CPA6: variants seen among roughly 807,000 people sequenced by gnomAD.
CPA6 encodes carboxypeptidase B.
A neutral mutation model predicts 63.3 loss-of-function variants in CPA6; 58 were observed. The ratio of observed to expected loss-of-function variants is 0.92; its 90% CI spans 0.74 to 1.14. The LOEUF (loss-of-function observed/expected upper bound fraction) is 1.14. Ranked by LOEUF, CPA6 falls within the 50% of genes most tolerant of loss-of-function variation. The pLI, the probability that CPA6 is intolerant of heterozygous loss-of-function variation, is 0.00. For synonymous variants in CPA6, 185 were observed against 179.0 expected (o/e 1.03, Z -0.27); for missense variants, 565 against 526.6 (o/e 1.07, Z -0.71).
At chr8:67,573,641 C>G (rs1396983764) in intron 2 of CPA6, among the ~76,000 whole-genome samples, 2 of 151,572 alleles carry the variant, frequency 1.3e-5, no homozygotes, top group Non-Finnish European at 2.9e-5. Flanking sequence ...ACCTGTAATC[C>G]CAGCACTTTG....
chr8:67,582,696 A>C (rs1813807838), intron 2 of CPA6, among the ~76,000 whole-genome samples: 1 of 151,848 alleles, frequency 6.6e-6, no homozygotes, highest in South Asian at 2.1e-4. Context: ...TTTTGCAGGG[A>C]TTGGTCATTA....
intron 8 of CPA6, among the ~76,000 whole-genome samples, chr8:67,440,442 A>T (rs1355660736): frequency 6.6e-6 from 1 of 152,072 alleles, no homozygotes; most frequent in Non-Finnish European, 1.5e-5. Flanking sequence ...GTGGTGACAC[A>T]CACCTGTAAT....
At chr8:67,624,077 T>C (rs1815143114) in intron 2 of CPA6, 99 bp downstream of exon 2, 1 of 706,574 alleles carries the variant, frequency 1.4e-6, no homozygotes, top group Non-Finnish European at 2.5e-6. Flanking sequence ...GCCTTTACTT[T>C]CTTGGCTAAT....
intron 2 of CPA6, among the ~76,000 whole-genome samples, chr8:67,599,051 A>G (rs1367260917): frequency 6.6e-6 from 1 of 152,164 alleles, no homozygotes; most frequent in Non-Finnish European, 1.5e-5. Context: ...TTTTAACATC[A>G]TTGTACTTTA....
chr8:67,567,596 G>C (rs1813371149), intron 2 of CPA6, among the ~76,000 whole-genome samples: 1 of 152,144 alleles, frequency 6.6e-6, no homozygotes, highest in Admixed American at 6.5e-5. Context: ...ACTATTCATA[G>C]ACAAAAACAA....
chr8:67,653,179 C>T (rs915295945), intron 1 of CPA6, among the ~76,000 whole-genome samples: 2 of 150,792 alleles, frequency 1.3e-5, no homozygotes, highest in Non-Finnish European at 3.0e-5. Context: ...TAGTGTGATG[C>T]CTCCAGCTTT....
At chr8:67,721,536 GTA>G (rs1214449468) in intron 1 of CPA6, among the ~76,000 whole-genome samples, 1 of 152,178 alleles carries the variant, frequency 6.6e-6, no homozygotes, top group Non-Finnish European at 1.5e-5. Flanking sequence ...TTGAAACAAA[GTA>G]TATGCATTGT....
chr8:67,706,981 C>T (rs1817150023), intron 1 of CPA6, among the ~76,000 whole-genome samples: 1 of 152,060 alleles, frequency 6.6e-6, no homozygotes, highest in Non-Finnish European at 1.5e-5. Context: ...TATATGTTAT[C>T]AGTAATAATT....
At chr8:67,606,182 T>C (rs1443128597) in intron 2 of CPA6, among the ~76,000 whole-genome samples, 2 of 35,174 alleles carry the variant, frequency 5.7e-5, no homozygotes, top group South Asian at 2.1e-3. Context: ...GGGACTGTTT[T>C]GGGGTGGGGG....
chr8:67,631,564 A>G (rs1243233592), intron 1 of CPA6, among the ~76,000 whole-genome samples: 2 of 152,220 alleles, frequency 1.3e-5, no homozygotes, highest in Admixed American at 6.5e-5. Flanking sequence ...AAATGGACCA[A>G]TCAGCTCTCT....
At chr8:67,738,121 T>C (rs1326541423) in intron 1 of CPA6, among the ~76,000 whole-genome samples, 1 of 152,060 alleles carries the variant, frequency 6.6e-6, no homozygotes, top group Non-Finnish European at 1.5e-5. Context: ...AAAGGGAGAA[T>C]GGGCTGGTAG....
rs1011383940 is a variant in CPA6 at position 67,424,942 on chromosome 8, T to C, written c.1127-2251A>G. On this transcript the variant is annotated intron_variant, in intron 10 of 10. Transcript: ENST00000297770. ...TTCAGCAGAGTTGAAAGCTGGGAAC[T>C]AGAGGTAGCCTGCAGCCTGGGCTGT... Among the ~76,000 whole-genome samples the C allele has an allele frequency of 3.3e-5, 5 of 152,228 alleles. No individual in the cohort carries two copies. In the East Asian group the frequency reaches 9.6e-4, roughly 29 times the overall value.
At chr8:67,657,419 T>G (rs1178982313) in intron 1 of CPA6, among the ~76,000 whole-genome samples, 10 of 152,176 alleles carry the variant, frequency 6.6e-5, no homozygotes, top group African/African-American at 2.4e-4. Context: ...CAAATATCTG[T>G]GTTATAAACC....
chr8:67,653,263 T>A, intron 1 of CPA6, among the ~76,000 whole-genome samples: 1 of 152,200 alleles, frequency 6.6e-6, no homozygotes, highest in Non-Finnish European at 1.5e-5. Flanking sequence ...AGTAGTTTTT[T>A]TCCAATTCTG....
intron 2 of CPA6, among the ~76,000 whole-genome samples, chr8:67,544,615 T>C (rs924724282): frequency 2.6e-5 from 4 of 152,228 alleles, no homozygotes; most frequent in Non-Finnish European, 1.5e-5. Context: ...GACATTTAGA[T>C]GACCTTTTTC....
intron 1 of CPA6, among the ~76,000 whole-genome samples, chr8:67,705,545 C>A (rs1026513084): frequency 2.6e-5 from 4 of 152,144 alleles, no homozygotes; most frequent in African/African-American, 9.7e-5. Flanking sequence ...TCCCATCAGT[C>A]CCTGGGTAAT....
At chr8:67,503,361 A>G (rs1264755993) in intron 6 of CPA6, among the ~76,000 whole-genome samples, 1 of 152,022 alleles carries the variant, frequency 6.6e-6, no homozygotes, top group Non-Finnish European at 1.5e-5. Flanking sequence ...CAGTAGCATC[A>G]TCACAGCTCA....
intron 6 of CPA6, among the ~76,000 whole-genome samples, chr8:67,495,088 A>G (rs142806174): frequency 6.6e-6 from 1 of 152,270 alleles, no homozygotes; most frequent in East Asian, 1.9e-4. Context: ...AGTAGTAAAC[A>G]CTTGATAATT....
At chr8:67,673,377 ATTAT>A (rs1190188957) in intron 1 of CPA6, among the ~76,000 whole-genome samples, 11 of 131,108 alleles carry the variant, frequency 8.4e-5, no homozygotes, top group East Asian at 2.3e-4. Flanking sequence ...TATTATTATT[ATTAT>A]TTATTTATTT....
Sources: gnomAD v4.1 joint callset for allele counts (sites outside exome capture counted in the v4.1 genomes callset) on GRCh38, gnomAD v4.1.1 for gene constraint, MANE v1.5 for transcripts, NCBI Gene and HGNC (gene_info 2026-07-23, HGNC 2026-07-21) for gene names.